Variants in BLVRA observed in about 807,000 individuals in gnomAD.
BLVRA encodes the protein biliverdin reductase A.
In BLVRA, 22 loss-of-function variants were observed where a neutral mutation model predicts 32.8. That is an observed-to-expected ratio of 0.67 (90% confidence interval 0.48 to 0.96). The LOEUF (loss-of-function observed/expected upper bound fraction) is 0.96. Among genes scored for constraint, BLVRA ranks in the 40% least tolerant of loss-of-function variants. BLVRA has a pLI of 0.00. For missense variants in BLVRA, 323 were observed against 358.1 expected, an observed-to-expected ratio of 0.90 and a Z score of 0.79; for synonymous variants, 119 against 141.3, an observed-to-expected ratio of 0.84 and a Z score of 1.12.
chr7:43,767,397 A>T, intron 1 of BLVRA: 1 of 1,601,312 alleles, frequency 6.2e-7, no homozygotes, highest in Non-Finnish European at 8.5e-7. Context: ...TCACAGCTTT[A>T]ATGATCACTG....
At chr7:43,759,028 T>C (rs570722933) in intron 1 of BLVRA, among the ~76,000 whole-genome samples, 2 of 152,326 alleles carry the variant, frequency 1.3e-5, no homozygotes, top group South Asian at 2.1e-4. Flanking sequence ...CTGCCCGTAG[T>C]TTCGGTTTTT....
At position 43,761,071 on chromosome 7, in the gene BLVRA, C is replaced by G. The variant is rs911163486; in HGVS notation, c.-22+2337C>G. On this transcript the variant is annotated intron_variant, in intron 1 of 7. Transcript: ENST00000265523. ...AGGCGTGAGCCATTTCACCCGGCCT[C>G]TCTTCCGTCTTTGAGCTGTGAGGAA... Among the ~76,000 whole-genome samples, 13 of 152,176 alleles carry G rather than the reference C, an allele frequency of 8.5e-5. No homozygotes were observed. In the East Asian group the frequency reaches 1.3e-3, roughly 16 times the overall value.
intron 3 of BLVRA, among the ~76,000 whole-genome samples, chr7:43,790,109 C>G (rs557796723): frequency 6.6e-6 from 1 of 152,228 alleles, no homozygotes; most frequent in Non-Finnish European, 1.5e-5. Flanking sequence ...TGCTGCAGCT[C>G]AGCTGGAGCT....
At chr7:43,763,595 G>A (rs1371171631) in intron 1 of BLVRA, among the ~76,000 whole-genome samples, 9 of 152,198 alleles carry the variant, frequency 5.9e-5, no homozygotes, top group South Asian at 2.1e-4. Context: ...CTGCGCACCC[G>A]TGGGCCACTA....
rs1020997268 is a variant in BLVRA at position 43,787,775 on chromosome 7, G to A, written c.13-129G>A. ...GACTGTCTCATCCCATCCTGATGCTGTGGCTTCCTGTGTGTTTTGGGCTGG... is the reference window on the plus strand; with the variant it reads ...GACTGTCTCATCCCATCCTGATGCTATGGCTTCCTGTGTGTTTTGGGCTGG... On this transcript the variant is annotated intron_variant, in intron 2 of 7. Coordinates refer to ENST00000265523, the MANE Select transcript of BLVRA (RefSeq NM_000712.4). This position sits in a 1 kb window ranked among gnomAD's most constrained non-coding sequence, Gnocchi z 4.5. 2.8e-4 allele frequency: 399 copies of A among 1,420,496 alleles called. No individual in the cohort carries two copies. The highest frequency in any genetic ancestry group is 3.8e-4 in the Non-Finnish European group (386 of 1,007,856). The allele number at this position is 1,420,496 out of a possible 1,614,324, so 88.0% of individuals were successfully genotyped here.
intron 2 of BLVRA, among the ~76,000 whole-genome samples, chr7:43,779,250 G>A (rs568669957): frequency 3.1e-4 from 47 of 152,336 alleles, no homozygotes; most frequent in African/African-American, 1.1e-3. Flanking sequence ...GCTGGGAGCT[G>A]TAGACCGGAG....
intron 2 of BLVRA, among the ~76,000 whole-genome samples, chr7:43,785,369 A>G (rs1563544259): frequency 1.3e-5 from 2 of 151,946 alleles, no homozygotes; most frequent in Non-Finnish European, 2.9e-5. Context: ...AAGACTAGTA[A>G]CCCAAAAAGG....
At chr7:43,764,699 G>A (rs1277759291) in intron 1 of BLVRA, among the ~76,000 whole-genome samples, 3 of 152,122 alleles carry the variant, frequency 2.0e-5, no homozygotes, top group Admixed American at 1.3e-4. Context: ...TGCGGAGCCA[G>A]AAGAGAAGCT....
chr7:43,796,153 GA>G (rs1329221683), intron 5 of BLVRA, among the ~76,000 whole-genome samples: 9 of 147,484 alleles, frequency 6.1e-5, no homozygotes, highest in Admixed American at 2.0e-4. Context: ...GAAAAGAAAA[GA>G]AAAAAAGAGT....
chr7:43,777,703 G>T (rs2095763044), intron 2 of BLVRA, among the ~76,000 whole-genome samples: 1 of 152,048 alleles, frequency 6.6e-6, no homozygotes, highest in African/African-American at 2.4e-5. Flanking sequence ...TTGCTAGATT[G>T]GGGAAGTTCT....
intron 2 of BLVRA, among the ~76,000 whole-genome samples, chr7:43,780,786 G>C (rs905852503): frequency 6.6e-6 from 1 of 152,232 alleles, no homozygotes; most frequent in Non-Finnish European, 1.5e-5. Flanking sequence ...AATGAATTAA[G>C]TGGTTTTCCT....
At chr7:43,777,265 T>C (rs1434365534) in intron 2 of BLVRA, among the ~76,000 whole-genome samples, 1 of 152,152 alleles carries the variant, frequency 6.6e-6, no homozygotes, top group Non-Finnish European at 1.5e-5. Flanking sequence ...TGGCATGTTT[T>C]TGCAGTGGCT....
At chr7:43,767,433 C>T (rs2095749446) in intron 1 of BLVRA, 2 of 1,568,920 alleles carry the variant, frequency 1.3e-6, no homozygotes, top group African/African-American at 2.7e-5. Flanking sequence ...TTATATTTCA[C>T]AACTAAATCT....
chr7:43,776,126 T>C (rs1239713283), intron 2 of BLVRA, among the ~76,000 whole-genome samples: 1 of 152,238 alleles, frequency 6.6e-6, no homozygotes, highest in African/African-American at 2.4e-5. Flanking sequence ...AAGGGTTTTT[T>C]GTGTCTCTGT....
At chr7:43,791,225 C>T in intron 3 of BLVRA, 24 bp from the exon 4 acceptor site, 1 of 1,613,816 alleles carries the variant, frequency 6.2e-7, no homozygotes, top group Non-Finnish European at 8.5e-7. Flanking sequence ...CATTGAGTTC[C>T]ATTTCTCTGT....
chr7:43,778,977 C>A (rs1365485566), intron 2 of BLVRA, among the ~76,000 whole-genome samples: 1 of 152,248 alleles, frequency 6.6e-6, no homozygotes, highest in Non-Finnish European at 1.5e-5. Context: ...AATATAATCT[C>A]CTGTTGTGCT....
intron 5 of BLVRA, among the ~76,000 whole-genome samples, chr7:43,799,420 G>C (rs1159065489): frequency 6.6e-6 from 1 of 152,106 alleles, no homozygotes; most frequent in African/African-American, 2.4e-5. Context: ...AATTTTTATA[G>C]AGCGAAAAAA....
intron 2 of BLVRA, among the ~76,000 whole-genome samples, chr7:43,782,235 G>A (rs562846154): frequency 6.6e-6 from 1 of 152,282 alleles, no homozygotes; most frequent in South Asian, 2.1e-4. Flanking sequence ...GCTTGGGAGG[G>A]TCAGTGAAAG....
chr7:43,802,895 GC>G (rs1379084957), intron 6 of BLVRA, among the ~76,000 whole-genome samples: 1 of 139,684 alleles, frequency 7.2e-6, no homozygotes, highest in Admixed American at 7.1e-5. Flanking sequence ...CCGTCACTAT[GC>G]CCGGGTAATT....
Sources: allele counts gnomAD v4.1 joint callset (sites outside exome capture counted in the v4.1 genomes callset), GRCh38; gene constraint gnomAD v4.1.1; non-coding constraint Gnocchi (gnomAD v3.1); transcripts MANE v1.5; gene names NCBI Gene and HGNC (gene_info 2026-07-23, HGNC 2026-07-21).